ZWILCH: variants seen among roughly 807,000 people sequenced by gnomAD.
ZWILCH encodes protein zwilch homolog.
In ZWILCH, 74 loss-of-function variants were observed where a neutral mutation model predicts 79.9. The observed-to-expected ratio is 0.93, with a 90% CI of 0.77 to 1.12. ZWILCH has a LOEUF of 1.12. ZWILCH is among the 50% of genes most tolerant of loss of function. The probability of loss-of-function intolerance (pLI) is 0.00; values close to 1 mark genes in which losing one functional copy is unlikely to be tolerated. For synonymous variants in ZWILCH, 241 were observed against 228.2 expected, an observed-to-expected ratio of 1.06 and a Z score of -0.51; for missense variants, 694 against 687.5, an observed-to-expected ratio of 1.01 and a Z score of -0.11.
chr15:66,513,826 C>A lies in ZWILCH; in HGVS notation c.106-162C>A, dbSNP rs148612082. 6.0e-3 allele frequency: 2,324 copies of A among 387,042 alleles called. 39 individuals carry two copies. The highest frequency in any genetic ancestry group is 0.045 in the African/African-American group (2,124 of 47,514). The allele number at this position is 387,042 out of a possible 1,614,324, so 24.0% of individuals were successfully genotyped here. ...GACCTCGTGATCCACCTGCCTGGGC[C>A]TCCCGAAGTGCTGGGATTACAGGCG... On this transcript the variant is annotated intron_variant, in intron 2 of 18. Coordinates refer to ENST00000307897, the MANE Select transcript of ZWILCH (RefSeq NM_017975.5).
In ZWILCH at chr15:66,536,042, A is replaced by G; in HGVS notation, c.1451A>G (p.Gln484Arg). 6.2e-7 allele frequency: 1 copy of G among 1,609,014 alleles called. No individual in the cohort carries two copies. The highest frequency in any genetic ancestry group is 1.1e-5 in the South Asian group (1 of 90,078). The change falls in exon 15 of 19, where the codon CAA becomes CGA. Residue 484 changes from glutamine to arginine, a missense_variant. By Grantham distance (43) the Gln-to-Arg change is conservative. Coordinates refer to ENST00000307897, the MANE Select transcript of ZWILCH (RefSeq NM_017975.5). ...LVSCMPFIKS[Q>R]HELLFSLTQI... ...AGTTGCATGCCTTTCATTAAATCTC[A>G]ACATGAACTCCTCTTTTCTTTAACA...
intron 10 of ZWILCH, among the ~76,000 whole-genome samples, chr15:66,528,161 T>G (rs1385716331): frequency 1.3e-5 from 2 of 152,224 alleles, no homozygotes; most frequent in Non-Finnish European, 2.9e-5. Flanking sequence ...TGGAATGCAG[T>G]GGCTCCACCA....
chr15:66,515,655 T>C lies in ZWILCH; in HGVS notation c.320+11T>C. On this transcript the variant is annotated intron_variant, in intron 4 of 18. Coordinates refer to ENST00000307897, the MANE Select transcript of ZWILCH (RefSeq NM_017975.5). Reference sequence around the variant, plus strand: ...AGTTGGGAAGGCAAGGTAGGTTTTCTCTTATGCTGAGTAGGGGTGGCAACT... The same window carrying C: ...AGTTGGGAAGGCAAGGTAGGTTTTCCCTTATGCTGAGTAGGGGTGGCAACT... 1 of 1,577,650 alleles carries C rather than the reference T, an allele frequency of 6.3e-7. No homozygotes were observed. The highest frequency in any genetic ancestry group is 2.2e-5 in the East Asian group (1 of 44,670).
Position 66,529,535 on chromosome 15 carries a change from A to T in ZWILCH, c.1117A>T (p.Ile373Phe), listed in dbSNP as rs1894796196. The change falls in exon 12 of 19, where the codon ATC becomes TTC. Residue 373 changes from isoleucine to phenylalanine, a missense_variant. Coordinates refer to ENST00000307897, the MANE Select transcript of ZWILCH (RefSeq NM_017975.5). ...YQDLVKCFTL[I>F]IQSLQRGDIQ... is the part of the protein sequence containing the mutation. ...AGACTTGGTGAAGTGTTTCACATTG[A>T]TCATCCAGAGTCTACAACGTGGTGA... 1 of 1,614,030 alleles carries T rather than the reference A, an allele frequency of 6.2e-7. No homozygotes were observed. The highest frequency in any genetic ancestry group is 1.7e-5 in the Admixed American group (1 of 60,006).
chr15:66,549,932 G>A lies in ZWILCH; in HGVS notation c.*1608G>A, dbSNP rs1530196. 4.1e-3 allele frequency: 2,620 copies of A among 638,782 alleles called. 41 individuals are homozygous for A. In the African/African-American group the frequency reaches 0.044, roughly 11 times the overall value. 39.6% of individuals were successfully genotyped at this position (638,782 alleles called of 1,614,324 possible). On this transcript the variant is annotated 3_prime_UTR_variant, in exon 19 of 19. Transcript: ENST00000307897. ...AGAAACCTGATTTTAATCATAAGTAGTTTTGGAAGATTGACTTCAAGTAGA... is the reference window on the plus strand; with the variant it reads ...AGAAACCTGATTTTAATCATAAGTAATTTTGGAAGATTGACTTCAAGTAGA...
chr15:66,546,656 T>G lies in ZWILCH; in HGVS notation c.1753T>G (p.Cys585Gly). 1 of 1,608,170 alleles carries G rather than the reference T, an allele frequency of 6.2e-7. No individual in the cohort carries two copies. Among genetic ancestry groups the G allele is most frequent in the East Asian group, 2.2e-5 (1 of 44,650 alleles). Residue 585 changes from cysteine to glycine, a missense_variant, in exon 18 of 19, where the codon TGC becomes GGC. Cys to Gly is a radical substitution (Grantham distance 159). Coordinates refer to ENST00000307897, the MANE Select transcript of ZWILCH (RefSeq NM_017975.5). Reference sequence around the variant, plus strand: ...GATATTCTTTACTAACATGGTTACCTGCAGCCAGGTGCATTTCAAGTGAAG... The same window carrying G: ...GATATTCTTTACTAACATGGTTACCGGCAGCCAGGTGCATTTCAAGTGAAG... ...ERIFFTNMVT[C>G]SQVHFK
intron 7 of ZWILCH, among the ~76,000 whole-genome samples, chr15:66,522,710 A>G (rs1181495877): frequency 6.6e-6 from 1 of 152,242 alleles, no homozygotes; most frequent in Non-Finnish European, 1.5e-5. Context: ...AAAAGAAAAA[A>G]GAAAAAGTAT....
chr15:66,512,376 A>C (rs1310714574), intron 2 of ZWILCH, among the ~76,000 whole-genome samples: 2 of 151,598 alleles, frequency 1.3e-5, no homozygotes, highest in East Asian at 3.9e-4. Context: ...CTCACACCTC[A>C]GCCTCCCAAG....
At chr15:66,516,129 A>T (rs1894245046) in intron 4 of ZWILCH, among the ~76,000 whole-genome samples, 1 of 152,232 alleles carries the variant, frequency 6.6e-6, no homozygotes, top group Non-Finnish European at 1.5e-5. Context: ...TTGGTTTGTC[A>T]CAGTGACTGA....
intron 8 of ZWILCH, among the ~76,000 whole-genome samples, chr15:66,526,900 A>G (rs979210864): frequency 2.0e-5 from 3 of 152,186 alleles, no homozygotes; most frequent in African/African-American, 7.2e-5. Flanking sequence ...TATCTTTGCC[A>G]AAGTTGCAAG....
chr15:66,539,982 T>C, intron 16 of ZWILCH, 116 bp from the exon 17 acceptor site: 1 of 612,610 alleles, frequency 1.6e-6, no homozygotes, highest in South Asian at 2.4e-5. Context: ...TGTGACCCGT[T>C]TACCTCTTTG....
chr15:66,532,068 A>G (rs945879865), intron 12 of ZWILCH, among the ~76,000 whole-genome samples, 179 bp from the exon 13 acceptor site: 6 of 152,180 alleles, frequency 3.9e-5, no homozygotes, highest in African/African-American at 1.4e-4. Context: ...CTCTGTCTCA[A>G]AACAAAAAAC....
intron 2 of ZWILCH, among the ~76,000 whole-genome samples, chr15:66,512,887 C>A (rs1281030509): frequency 6.6e-6 from 1 of 152,212 alleles, no homozygotes; most frequent in East Asian, 1.9e-4. Flanking sequence ...GCTCCACCTC[C>A]CAGGTTCAAG....
At chr15:66,541,245 A>G (rs1053242665) in intron 17 of ZWILCH, among the ~76,000 whole-genome samples, 8 of 151,926 alleles carry the variant, frequency 5.3e-5, no homozygotes, top group South Asian at 2.1e-4. Flanking sequence ...TGGTCGCACT[A>G]CTGCAGTCTA....
intron 3 of ZWILCH, 64 bp from the exon 4 acceptor site, chr15:66,515,462 A>T: frequency 1.0e-6 from 1 of 963,300 alleles, no homozygotes. Context: ...GTAGCATAGT[A>T]AAGAGTCAGC....
intron 7 of ZWILCH, 73 bp from the exon 8 acceptor site, chr15:66,523,604 A>C: frequency 2.2e-6 from 2 of 918,446 alleles, no homozygotes; most frequent in South Asian, 3.1e-5. Flanking sequence ...ATAGTTTGAA[A>C]TGCAAGTATA....
chr15:66,525,310 G>A (rs1353745710), intron 8 of ZWILCH, among the ~76,000 whole-genome samples: 1 of 152,166 alleles, frequency 6.6e-6, no homozygotes, highest in African/African-American at 2.4e-5. Flanking sequence ...AAATGGAAGA[G>A]CTGGCACAAG....
At chr15:66,509,351 G>T (rs563741780) in intron 2 of ZWILCH, among the ~76,000 whole-genome samples, 28 of 152,228 alleles carry the variant, frequency 1.8e-4, no homozygotes, top group Non-Finnish European at 3.8e-4. Context: ...CCCTCCCTTA[G>T]TTCCTGGCAA....
intron 1 of ZWILCH, among the ~76,000 whole-genome samples, chr15:66,506,455 G>A (rs2140727368): frequency 6.6e-6 from 1 of 152,270 alleles, no homozygotes; most frequent in East Asian, 1.9e-4. Flanking sequence ...GATCACTTGA[G>A]GTCAGGAGTT....
Sources: gnomAD v4.1 joint callset for allele counts (sites outside exome capture counted in the v4.1 genomes callset) on GRCh38, gnomAD v4.1.1 for gene constraint, MANE v1.5 for transcripts, NCBI Gene and HGNC (gene_info 2026-07-23, HGNC 2026-07-21) for gene names.